ZNF81: variants seen among roughly 807,000 people sequenced by gnomAD.
ZNF81 encodes zinc finger protein 81 (HFZ20).
A neutral mutation model predicts 32.3 loss-of-function variants in ZNF81; 5 were observed. The observed-to-expected ratio is 0.15, with a 90% confidence interval of 0.08 to 0.33. ZNF81 has a LOEUF of 0.33. Ranked by LOEUF, ZNF81 falls within the 10% of genes least tolerant of loss-of-function variation. The probability of loss-of-function intolerance (pLI) is 1.00; values close to 1 mark genes in which losing one functional copy is unlikely to be tolerated. For synonymous variants in ZNF81, 163 were observed against 166.8 expected (o/e 0.98, Z 0.17); for missense variants, 379 against 479.8 (o/e 0.79, Z 1.96).
At chrX:47,871,521 C>T (rs1419630532) in intron 2 of ZNF81, among the ~76,000 whole-genome samples, 6 of 111,523 alleles carry the variant, frequency 5.4e-5, no homozygotes, top group African/African-American at 1.3e-4. Flanking sequence ...GCATTTTGAA[C>T]GGGAATATCA....
At chrX:47,907,407 A>G (rs782367179) in intron 4 of ZNF81, among the ~76,000 whole-genome samples, 2 of 105,452 alleles carry the variant, frequency 1.9e-5, no homozygotes, top group Admixed American at 1.0e-4. Flanking sequence ...CAGCATACCA[A>G]TATTGTATGT....
intron 2 of ZNF81, among the ~76,000 whole-genome samples, chrX:47,883,221 A>T (rs1556885364): frequency 9.0e-6 from 1 of 110,726 alleles, no homozygotes; most frequent in Non-Finnish European, 1.9e-5. Flanking sequence ...TGTCTGCTCA[A>T]GTATTTTGCT....
At chrX:47,839,162 G>A (rs2058436730) in intron 1 of ZNF81, among the ~76,000 whole-genome samples, 1 of 111,538 alleles carries the variant, frequency 9.0e-6, no homozygotes, top group South Asian at 3.7e-4. Context: ...CTGTTTTCTG[G>A]AAGAGACTGT....
intron 4 of ZNF81, among the ~76,000 whole-genome samples, chrX:47,897,256 AT>A (rs782646274): frequency 0.01 from 1,152 of 112,046 alleles, 19 homozygotes; most frequent in African/African-American, 0.036. Context: ...AAACTCTTTT[AT>A]TTTTGCTATT....
At chrX:47,868,519 A>G (rs1556883524) in intron 2 of ZNF81, among the ~76,000 whole-genome samples, 2 of 111,183 alleles carry the variant, frequency 1.8e-5, no homozygotes, top group Non-Finnish European at 3.8e-5. Context: ...TTCCGTCATT[A>G]AATTACTCCA....
chrX:47,839,081 G>T (rs1025938237), intron 1 of ZNF81, among the ~76,000 whole-genome samples: 29 of 112,204 alleles, frequency 2.6e-4, no homozygotes, highest in Non-Finnish European at 4.1e-4. Context: ...CACTGCTCTT[G>T]GCTTTGTCTG....
intron 3 of ZNF81, among the ~76,000 whole-genome samples, chrX:47,894,752 C>T (rs901771298): frequency 1.6e-4 from 18 of 111,404 alleles, no homozygotes; most frequent in Non-Finnish European, 2.5e-4. Flanking sequence ...TGAATTTTCC[C>T]TGCTAGGTTT....
intron 1 of ZNF81, among the ~76,000 whole-genome samples, chrX:47,838,840 G>A (rs2058435530): frequency 8.9e-6 from 1 of 111,763 alleles, no homozygotes; most frequent in African/African-American, 3.3e-5. Flanking sequence ...AGGCTGGAAT[G>A]CAGTGGTGTG....
intron 2 of ZNF81, among the ~76,000 whole-genome samples, chrX:47,871,745 T>G (rs190613285): frequency 5.6e-4 from 62 of 111,688 alleles, no homozygotes; most frequent in Non-Finnish European, 3.8e-5. Flanking sequence ...TGTCATAGCA[T>G]GAAGGGTATG....
intron 2 of ZNF81, among the ~76,000 whole-genome samples, 176 bp downstream of exon 2, chrX:47,846,497 T>G (rs782178973): frequency 8.9e-6 from 1 of 112,456 alleles, no homozygotes; most frequent in East Asian, 2.8e-4. Flanking sequence ...TCCTGTCCAT[T>G]GCTGATTTAT....
At chrX:47,883,623 T>G (rs1032875655) in intron 2 of ZNF81, among the ~76,000 whole-genome samples, 1 of 112,536 alleles carries the variant, frequency 8.9e-6, no homozygotes, top group Non-Finnish European at 1.9e-5. Flanking sequence ...AGTAATTCCT[T>G]TCTTTTACTT....
At chrX:47,905,325 C>T (rs1466677204) in intron 4 of ZNF81, among the ~76,000 whole-genome samples, 1 of 100,629 alleles carries the variant, frequency 9.9e-6, no homozygotes, top group Admixed American at 1.1e-4. Flanking sequence ...ACAGGAGAAT[C>T]ACTTGAACCC....
chrX:47,917,198 T>C lies in ZNF81; in HGVS notation c.*566T>C, dbSNP rs2058760373. The C allele has an allele frequency of 1.7e-5, 5 of 294,164 alleles. No homozygotes were observed. The East Asian group carries it at 2.4e-4, about 14-fold the overall frequency. The allele number at this position is 294,164 out of a possible 1,213,427, so 24.2% of individuals were successfully genotyped here. On this transcript the variant is annotated 3_prime_UTR_variant, in exon 5 of 5. Transcript: ENST00000338637. Reference sequence around the variant, plus strand: ...TACTGAATATGTCTATCAAATATGTTTCTTATTGAATATTTCTATCAAGTG... The same window carrying C: ...TACTGAATATGTCTATCAAATATGTCTCTTATTGAATATTTCTATCAAGTG...
intron 1 of ZNF81, among the ~76,000 whole-genome samples, chrX:47,838,703 G>C (rs1185562993): frequency 8.9e-6 from 1 of 111,751 alleles, no homozygotes; most frequent in Non-Finnish European, 1.9e-5. Context: ...GAATTGATTA[G>C]CTAATGCTTT....
At chrX:47,914,002 CT>C (rs2058747649) in intron 4 of ZNF81, among the ~76,000 whole-genome samples, 1 of 111,165 alleles carries the variant, frequency 9.0e-6, no homozygotes, top group African/African-American at 3.3e-5. Flanking sequence ...CATTTTTGGA[CT>C]TGTACACATA....
In ZNF81 at chrX:47,894,039, G is replaced by C. The variant is rs782243177; in HGVS notation, c.182-1806G>C. On this transcript the variant is annotated intron_variant, in intron 3 of 4. Coordinates refer to ENST00000338637, the MANE Select transcript of ZNF81 (RefSeq NM_007137.5). The stretch of plus-strand genomic sequence containing the variant: ...AGAGCTGGACAATAGTTAAAGCAGT[G>C]AAAATAGATTTTATTCAGAACTATT... Among the ~76,000 whole-genome samples, 65 of 111,863 alleles carry C rather than the reference G, an allele frequency of 5.8e-4. 1 individual carries two copies. Among genetic ancestry groups the C allele is most frequent in the African/African-American group, 2.1e-3 (65 of 30,820 alleles).
chrX:47,880,297 C>T lies in ZNF81; in HGVS notation c.55-7702C>T, dbSNP rs1243148871. Reference sequence around the variant, plus strand: ...GATGCATCACAGCTCATTGCAGCCTCGACCTCCCAAGCTCAGGTTATTCTC... The same window carrying T: ...GATGCATCACAGCTCATTGCAGCCTTGACCTCCCAAGCTCAGGTTATTCTC... On this transcript the variant is annotated intron_variant, in intron 2 of 4. Transcript: ENST00000338637. Among the ~76,000 whole-genome samples the T allele has an allele frequency of 5.3e-5, 6 of 112,327 alleles. No individual in the cohort carries two copies. In the East Asian group the frequency reaches 8.4e-4, roughly 16 times the overall value.
chrX:47,841,787 GATTT>G, intron 1 of ZNF81: 1 of 380,938 alleles, frequency 2.6e-6, no homozygotes, highest in Non-Finnish European at 4.5e-6. Flanking sequence ...CCAGCTATTG[GATTT>G]ATTTATTTTT....
At chrX:47,911,877 T>A (rs1466335462) in intron 4 of ZNF81, among the ~76,000 whole-genome samples, 6 of 111,241 alleles carry the variant, frequency 5.4e-5, no homozygotes, top group Admixed American at 1.9e-4. Flanking sequence ...TTTAATGGCA[T>A]AAAAGAAAAT....
Sources: allele counts gnomAD v4.1 joint callset (sites outside exome capture counted in the v4.1 genomes callset), GRCh38; gene constraint gnomAD v4.1.1; transcripts MANE v1.5; gene names NCBI Gene and HGNC (gene_info 2026-07-23, HGNC 2026-07-21).